TRHDE: variants seen among roughly 807,000 people sequenced by gnomAD.
The protein encoded by TRHDE is thyrotropin-releasing hormone-degrading ectoenzyme.
Under a neutral mutation model 125.7 loss-of-function variants are expected in TRHDE, and 72 were observed. That is an observed-to-expected ratio of 0.57 (90% CI 0.47 to 0.70). The LOEUF is 0.70. TRHDE is among the 30% of genes least tolerant of loss of function. The pLI, the probability that TRHDE is intolerant of heterozygous loss-of-function variation, is 0.00. For synonymous variants in TRHDE, 509 were observed against 509.1 expected, an observed-to-expected ratio of 1.00 and a Z score of 0.00; for missense variants, 1,110 against 1,327.1, an observed-to-expected ratio of 0.84 and a Z score of 2.54.
chr12:72,597,180 A>G (rs1031803366), intron 12 of TRHDE, among the ~76,000 whole-genome samples: 8 of 152,218 alleles, frequency 5.3e-5, no homozygotes, highest in Non-Finnish European at 1.2e-4. Context: ...CTCTAGTTAT[A>G]CACTGCTATG....
intron 3 of TRHDE, among the ~76,000 whole-genome samples, chr12:72,430,549 G>A (rs977954199): frequency 2.0e-5 from 3 of 150,816 alleles, no homozygotes; most frequent in Non-Finnish European, 4.4e-5. Flanking sequence ...GATTGTCACT[G>A]CATTCTTGTG....
intron 2 of TRHDE, among the ~76,000 whole-genome samples, chr12:72,347,606 G>C (rs748758601): frequency 5.9e-5 from 9 of 151,996 alleles, no homozygotes; most frequent in Non-Finnish European, 1.3e-4. Flanking sequence ...TACTAATGTG[G>C]TTGTTCACAG....
chr12:72,331,568 G>A (rs901908176), intron 2 of TRHDE, among the ~76,000 whole-genome samples: 2 of 152,216 alleles, frequency 1.3e-5, no homozygotes, highest in African/African-American at 4.8e-5. Flanking sequence ...CTCCTGGGAA[G>A]GGTGGCATCA....
chr12:72,503,354 T>G (rs920742005), intron 6 of TRHDE, among the ~76,000 whole-genome samples: 2 of 152,208 alleles, frequency 1.3e-5, no homozygotes, highest in Admixed American at 6.5e-5. Context: ...ATTATTTTCA[T>G]GTTTGATTAA....
intron 9 of TRHDE, among the ~76,000 whole-genome samples, chr12:72,567,749 A>G (rs933736925): frequency 2.0e-5 from 3 of 152,090 alleles, no homozygotes; most frequent in African/African-American, 4.8e-5. Context: ...TAATCTGGCT[A>G]TATTTCAAGA....
chr12:72,482,350 G>T (rs955880557), intron 5 of TRHDE, among the ~76,000 whole-genome samples: 1 of 151,776 alleles, frequency 6.6e-6, no homozygotes, highest in African/African-American at 2.4e-5. Flanking sequence ...CCTCAATCAG[G>T]TTGTTCTAAT....
chr12:72,279,398 C>CCATCAT (rs1565682114), intron 1 of TRHDE, among the ~76,000 whole-genome samples: 1 of 152,098 alleles, frequency 6.6e-6, no homozygotes, highest in South Asian at 2.1e-4. Flanking sequence ...TTCATCATCA[C>CCATCAT]CATCATCATC....
At chr12:72,392,900 A>C (rs1456232125) in intron 3 of TRHDE, among the ~76,000 whole-genome samples, 1 of 152,180 alleles carries the variant, frequency 6.6e-6, no homozygotes, top group East Asian at 1.9e-4. Flanking sequence ...TTTGCTTATA[A>C]ATATGTGCAG....
chr12:72,480,850 CA>C (rs1877136389), intron 5 of TRHDE, among the ~76,000 whole-genome samples: 2 of 152,012 alleles, frequency 1.3e-5, no homozygotes, highest in South Asian at 4.2e-4. Flanking sequence ...AAAATTATAC[CA>C]AAATGACAAA....
chr12:72,265,725 T>G (rs1161785892), intron 2 of TRHDE, among the ~76,000 whole-genome samples: 2 of 151,992 alleles, frequency 1.3e-5, no homozygotes, highest in African/African-American at 4.8e-5. Context: ...TTGTTATATA[T>G]ACACATATTG....
chr12:72,526,411 C>T (rs528189461), intron 6 of TRHDE, among the ~76,000 whole-genome samples: 4 of 152,134 alleles, frequency 2.6e-5, no homozygotes, highest in African/African-American at 9.6e-5. Context: ...GAAATATTAC[C>T]TTAAGACTCC....
chr12:72,407,242 C>T (rs1361004481), intron 3 of TRHDE, among the ~76,000 whole-genome samples: 2 of 152,160 alleles, frequency 1.3e-5, no homozygotes, highest in African/African-American at 2.4e-5. Flanking sequence ...CTGTAGAGGA[C>T]TCATGTCTGA....
intron 2 of TRHDE, among the ~76,000 whole-genome samples, chr12:72,196,892 A>G (rs1000016248): frequency 2.0e-5 from 3 of 151,904 alleles, no homozygotes; most frequent in Admixed American, 6.6e-5. Context: ...GCCCCCTTTT[A>G]CAAAAAAGTC....
intron 12 of TRHDE, chr12:72,582,342 T>G (rs1871274068): frequency 1.0e-6 from 1 of 985,216 alleles, no homozygotes; most frequent in Non-Finnish European, 1.2e-6. Context: ...CAGATTTTTT[T>G]TTTCATTTCT....
At chr12:72,635,102 G>A (rs1258060371) in intron 15 of TRHDE, among the ~76,000 whole-genome samples, 1 of 150,612 alleles carries the variant, frequency 6.6e-6, no homozygotes, top group East Asian at 2.0e-4. Flanking sequence ...GGTTGAACTA[G>A]TTTACAGTCC....
At chr12:72,160,448 G>A (rs562015506) in intron 2 of TRHDE, among the ~76,000 whole-genome samples, 2 of 152,250 alleles carry the variant, frequency 1.3e-5, no homozygotes, top group East Asian at 3.9e-4. Context: ...ACTTCGGGAG[G>A]CCAAGGCGCG....
chr12:72,545,331 A>G (rs1182580311), intron 7 of TRHDE, among the ~76,000 whole-genome samples: 1 of 151,556 alleles, frequency 6.6e-6, no homozygotes, highest in Admixed American at 6.6e-5. Flanking sequence ...TCTCATTTCT[A>G]TCTCCAGTTA....
At chr12:72,493,745 C>T (rs1206708909) in intron 5 of TRHDE, among the ~76,000 whole-genome samples, 5 of 152,106 alleles carry the variant, frequency 3.3e-5, no homozygotes, top group East Asian at 1.9e-4. Flanking sequence ...GTCCCCCAAA[C>T]GAACCACACT....
intron 13 of TRHDE, 107 bp downstream of exon 13, chr12:72,619,145 T>C (rs1344960847): frequency 2.3e-6 from 2 of 863,284 alleles, no homozygotes; most frequent in Admixed American, 8.0e-5. Flanking sequence ...TTTGTTCTTC[T>C]AGTTTGTGTT....
Sources: allele counts gnomAD v4.1 joint callset (sites outside exome capture counted in the v4.1 genomes callset), GRCh38; gene constraint gnomAD v4.1.1; transcripts MANE v1.5; gene names NCBI Gene and HGNC (gene_info 2026-07-23, HGNC 2026-07-21).